STAB2: variants seen among roughly 807,000 people sequenced by gnomAD.
STAB2 encodes stabilin-2.
STAB2 carries 288 observed loss-of-function variants against 338.1 expected under a neutral mutation model. The ratio of observed to expected loss-of-function variants is 0.85; its 90% confidence interval spans 0.77 to 0.94. STAB2 has a LOEUF of 0.94. Among genes scored for constraint, STAB2 ranks in the 40% least tolerant of loss-of-function variants. The probability of loss-of-function intolerance (pLI) is 0.00; values close to 1 mark genes in which losing one functional copy is unlikely to be tolerated. For missense variants in STAB2, 3,141 were observed against 3,210.1 expected (o/e 0.98, Z 0.52); for synonymous variants, 1,202 against 1,193.3 (o/e 1.01, Z -0.15).
chr12:103,638,206 T>C lies in STAB2; in HGVS notation c.900T>C (p.Pro300=). Residue 300 remains proline, a synonymous_variant, in exon 8 of 69, where the codon CCT becomes CCC. Transcript: ENST00000388887. ...CTACAGTGTGCAAATATGATGGGCCTGGACAGGTGAGCAAATGATGCAGGG... is the reference window on the plus strand; with the variant it reads ...CTACAGTGTGCAAATATGATGGGCCCGGACAGGTGAGCAAATGATGCAGGG... The part of the protein sequence containing the change: ...TKSTVCKYDG[P]GQSHCECKEH... The C allele has an allele frequency of 2.5e-6, 4 of 1,613,426 alleles. No homozygotes were observed. The highest frequency in any genetic ancestry group is 1.3e-5 in the African/African-American group (1 of 75,062).
chr12:103,718,506 C>T (rs1386993115), intron 44 of STAB2, among the ~76,000 whole-genome samples: 1 of 152,172 alleles, frequency 6.6e-6, no homozygotes, highest in Non-Finnish European at 1.5e-5. Context: ...CCAGTTCTCT[C>T]TCTCTAAAGA....
intron 44 of STAB2, among the ~76,000 whole-genome samples, chr12:103,722,283 G>A (rs969530382): frequency 2.0e-5 from 3 of 152,322 alleles, no homozygotes; most frequent in Middle Eastern, 3.4e-3. Flanking sequence ...CACTTATCAA[G>A]TATAGTGTCA....
At chr12:103,755,039 T>G (rs1410225489) in intron 61 of STAB2, 1 of 440,644 alleles carries the variant, frequency 2.3e-6, no homozygotes, top group East Asian at 3.6e-5. Flanking sequence ...GACAGCAAAT[T>G]CTTTCTCAAG....
chr12:103,699,605 A>G (rs1174844555), intron 34 of STAB2, among the ~76,000 whole-genome samples: 1 of 152,160 alleles, frequency 6.6e-6, no homozygotes, highest in African/African-American at 2.4e-5. Flanking sequence ...ACCTCCTACC[A>G]GGTCCCTCCC....
chr12:103,746,275 G>A, intron 57 of STAB2: 1 of 218,748 alleles, frequency 4.6e-6, no homozygotes. Context: ...TGTCCTTAGA[G>A]CCAGAGAGCT....
At chr12:103,665,523 A>T (rs757988883) in intron 18 of STAB2, among the ~76,000 whole-genome samples, 13 of 152,144 alleles carry the variant, frequency 8.5e-5, no homozygotes, top group Non-Finnish European at 1.8e-4. Flanking sequence ...CAGGACATAG[A>T]GTTACCTGAA....
Position 103,660,668 on chromosome 12 carries a change from C to G in STAB2, c.1789-15C>G, listed in dbSNP as rs750470415. ...GTCCCAAATATCTCTGCCTTTTGTT[C>G]TCTTCTTATTGCAGCTTGAAGTGGC... On this transcript the variant is annotated splice_polypyrimidine_tract_variant and intron_variant, in intron 16 of 68. Coordinates refer to ENST00000388887, the MANE Select transcript of STAB2 (RefSeq NM_017564.10). 1.2e-6 allele frequency: 2 copies of G among 1,613,962 alleles called. No individual in the cohort carries two copies. The highest frequency in any genetic ancestry group is 1.7e-6 in the Non-Finnish European group (2 of 1,179,908).
chr12:103,745,063 A>G, intron 56 of STAB2, 110 bp from the exon 57 acceptor site: 2 of 859,120 alleles, frequency 2.3e-6, no homozygotes, highest in African/African-American at 1.7e-5. Context: ...TGACTGTGAC[A>G]TAAGCATGGT....
intron 63 of STAB2, among the ~76,000 whole-genome samples, chr12:103,756,619 C>A (rs1456933524): frequency 6.6e-6 from 1 of 152,210 alleles, no homozygotes; most frequent in Non-Finnish European, 1.5e-5. Flanking sequence ...TCTCAGACTG[C>A]CTGGTTCCAG....
At chr12:103,619,749 G>GCCCCCCCCCCCCCCCCCCCCCCCCCCC (rs1019358375) in intron 3 of STAB2, among the ~76,000 whole-genome samples, 1 of 139,756 alleles carries the variant, frequency 7.2e-6, no homozygotes, top group Non-Finnish European at 1.5e-5. Flanking sequence ...CATCAGCAAC[G>GCCCCCCCCCCCCCCCCCCCCCCCCCCC]CCCCCCGCCC....
chr12:103,598,998 C>T (rs1956917568), intron 3 of STAB2, among the ~76,000 whole-genome samples: 1 of 152,154 alleles, frequency 6.6e-6, no homozygotes. Context: ...TTGCAGCCTG[C>T]CCAAAGAGAA....
Position 103,732,138 on chromosome 12 carries a change from G to C in STAB2, c.5283+503G>C, listed in dbSNP as rs567238581. ...AGCCTGGCTAACATGGTGAAACTCT[G>C]TCTCTACTAAAAATACAAAAATTAG... On this transcript the variant is annotated intron_variant, in intron 50 of 68. Coordinates refer to ENST00000388887, the MANE Select transcript of STAB2 (RefSeq NM_017564.10). 7.1e-4 allele frequency among the ~76,000 whole-genome samples: 108 copies of C among 151,990 alleles called. 2 individuals are homozygous for C. Among genetic ancestry groups the C allele is most frequent in the African/African-American group, 1.8e-3 (76 of 41,446 alleles).
At chr12:103,619,762 G>A (rs115454622) in intron 3 of STAB2, among the ~76,000 whole-genome samples, 1,059 of 89,732 alleles carry the variant, frequency 0.012, 23 homozygotes, top group African/African-American at 0.043. Flanking sequence ...CCCCGCCCCC[G>A]CCACCCCACA....
intron 22 of STAB2, among the ~76,000 whole-genome samples, chr12:103,672,133 G>A (rs1028897511): frequency 2.6e-5 from 4 of 152,246 alleles, no homozygotes; most frequent in South Asian, 2.1e-4. Context: ...TCTTACTGTC[G>A]CTACTAACTC....
At chr12:103,596,238 T>A in intron 3 of STAB2, among the ~76,000 whole-genome samples, 1 of 152,212 alleles carries the variant, frequency 6.6e-6, no homozygotes. Flanking sequence ...TAGATTTGCT[T>A]TTCTCTTTCT....
At position 103,755,705 on chromosome 12, in the gene STAB2, C is replaced by T. The variant is rs377547432; in HGVS notation, c.6974C>T (p.Thr2325Ile). The T allele has an allele frequency of 1.2e-6, 2 of 1,614,034 alleles. No homozygotes were observed. Among genetic ancestry groups the T allele is most frequent in the African/African-American group, 2.7e-5 (2 of 74,930 alleles). Residue 2325 changes from threonine (T) to isoleucine (I), a missense_variant, in exon 63 of 69, where the codon ACA (threonine) becomes ATA (isoleucine). Coordinates refer to ENST00000388887, the MANE Select transcript of STAB2 (RefSeq NM_017564.10). ...GTCCTGATGTCCTTCCCCTCACTCACAAACTTCCTGACGGTATGTACCATG... is the reference window on the plus strand; with the variant it reads ...GTCCTGATGTCCTTCCCCTCACTCATAAACTTCCTGACGGTATGTACCATG... ...LQVLMSFPSL[T>I]NFLTEVLAYS...
Position 103,620,465 on chromosome 12 carries a change from T to C in STAB2, c.332-3T>C. On this transcript the variant is annotated splice_region_variant and splice_polypyrimidine_tract_variant and intron_variant, in intron 3 of 68. Transcript: ENST00000388887. ...AATACATCTGAGCTGTTTGATTCCC[T>C]AGAGTGCCCAGGTGGAGCGGGGTCA... 1 of 1,576,942 alleles carries C rather than the reference T, an allele frequency of 6.3e-7. No individual in the cohort carries two copies. Among genetic ancestry groups the C allele is most frequent in the Non-Finnish European group, 8.6e-7 (1 of 1,159,862 alleles).
chr12:103,708,635 T>A (rs554532996), intron 39 of STAB2, 99 bp downstream of exon 39: 15 of 1,078,768 alleles, frequency 1.4e-5, no homozygotes, highest in Non-Finnish European at 1.9e-5. Flanking sequence ...TTTTTTTACT[T>A]CTTCTGGCAA....
chr12:103,731,378 G>A (rs1881622802), intron 49 of STAB2, among the ~76,000 whole-genome samples, 198 bp from the exon 50 acceptor site: 1 of 152,154 alleles, frequency 6.6e-6, no homozygotes. Flanking sequence ...AGGGAGTCTG[G>A]GAAAAAGTAG....
Sources: allele counts gnomAD v4.1 joint callset (sites outside exome capture counted in the v4.1 genomes callset), GRCh38; gene constraint gnomAD v4.1.1; transcripts MANE v1.5; gene names NCBI Gene and HGNC (gene_info 2026-07-23, HGNC 2026-07-21).